The following PLA2R1 variants were observed in gnomAD, a reference collection of about 807,000 sequenced individuals.
PLA2R1 encodes secretory phospholipase A2 receptor.
PLA2R1 carries 158 observed loss-of-function variants against 195.9 expected under a neutral mutation model. The ratio of observed to expected loss-of-function variants is 0.81; its 90% CI spans 0.71 to 0.92. The LOEUF (loss-of-function observed/expected upper bound fraction) is 0.92. Ranked by LOEUF, PLA2R1 falls within the 40% of genes least tolerant of loss-of-function variation. The pLI is 0.00. For synonymous variants in PLA2R1, 586 were observed against 598.2 expected (o/e 0.98, Z 0.30); for missense variants, 1,626 against 1,764.6 (o/e 0.92, Z 1.41).
At chr2:159,942,040 G>T (rs1224877224) in intron 29 of PLA2R1, 48 bp from the exon 30 acceptor site, 10 of 1,559,138 alleles carry the variant, frequency 6.4e-6, no homozygotes, top group African/African-American at 1.4e-5. Flanking sequence ...CAGTGGCGAT[G>T]AAGTAATATA....
intron 23 of PLA2R1, among the ~76,000 whole-genome samples, chr2:159,954,917 T>A (rs1687985441): frequency 6.6e-6 from 1 of 152,148 alleles, no homozygotes; most frequent in South Asian, 2.1e-4. Flanking sequence ...AGATACATAA[T>A]CCCAGAATGA....
chr2:160,060,301 T>C (rs1222714629), intron 1 of PLA2R1, among the ~76,000 whole-genome samples: 1 of 152,308 alleles, frequency 6.6e-6, no homozygotes, highest in African/African-American at 2.4e-5. Context: ...GCTAACTACA[T>C]GGTAGCCATA....
chr2:159,955,878 G>C (rs757690525), intron 21 of PLA2R1, 50 bp from the exon 22 acceptor site: 2 of 1,120,404 alleles, frequency 1.8e-6, no homozygotes, highest in Non-Finnish European at 2.6e-6. Flanking sequence ...AAAGCATTTG[G>C]GTAATCACTG....
intron 3 of PLA2R1, among the ~76,000 whole-genome samples, chr2:160,040,684 C>T (rs1694469881): frequency 6.6e-6 from 1 of 152,188 alleles, no homozygotes; most frequent in Non-Finnish European, 1.5e-5. Flanking sequence ...CTCTAGATGC[C>T]AAGTTCCTTA....
intron 3 of PLA2R1, among the ~76,000 whole-genome samples, 195 bp downstream of exon 3, chr2:160,041,830 C>T (rs1361557031): frequency 6.6e-6 from 1 of 152,114 alleles, no homozygotes; most frequent in Non-Finnish European, 1.5e-5. Context: ...CTTGAATGTA[C>T]GGCAAAAAGA....
chr2:159,944,261 C>A (rs1427453294), intron 28 of PLA2R1, among the ~76,000 whole-genome samples: 1 of 152,194 alleles, frequency 6.6e-6, no homozygotes, highest in Non-Finnish European at 1.5e-5. Flanking sequence ...GATCCTAAAA[C>A]CTCATGTCTG....
At chr2:160,051,893 T>G (rs1695234476) in intron 1 of PLA2R1, among the ~76,000 whole-genome samples, 1 of 152,232 alleles carries the variant, frequency 6.6e-6, no homozygotes, top group Non-Finnish European at 1.5e-5. Context: ...AGTTTTCATG[T>G]GTCTCTTATT....
At chr2:160,031,429 C>A (rs1249838387) in intron 4 of PLA2R1, among the ~76,000 whole-genome samples, 1 of 152,030 alleles carries the variant, frequency 6.6e-6, no homozygotes, top group African/African-American at 2.4e-5. Context: ...AATAAAATAA[C>A]CAGATTACCA....
intron 6 of PLA2R1, among the ~76,000 whole-genome samples, chr2:160,027,753 AAC>A (rs1693613928): frequency 6.6e-6 from 1 of 152,238 alleles, no homozygotes; most frequent in Non-Finnish European, 1.5e-5. Flanking sequence ...TTTAAGTATT[AAC>A]TCCATCTAAA....
At position 159,987,263 on chromosome 2, in the gene PLA2R1, T is replaced by G; in HGVS notation, c.1930A>C (p.Lys644Gln). 1 of 1,613,546 alleles carries G rather than the reference T, an allele frequency of 6.2e-7. No homozygotes were observed. Among genetic ancestry groups the G allele is most frequent in the South Asian group, 1.1e-5 (1 of 91,048 alleles). The change falls in exon 12 of 30, where the codon AAG (lysine) becomes CAG (glutamine). Residue 644 changes from lysine (K) to glutamine (Q), a missense_variant. Coordinates refer to ENST00000283243, the MANE Select transcript of PLA2R1 (RefSeq NM_007366.5). ...CRHFKAMSLC[K>Q]QPVENQEKAE... is the part of the protein sequence containing the mutation. ...TTTTCCTGATTTTCAACTGGCTGCT[T>G]GCACAAGGACATTGCCTTAAAGTGC... is the stretch of plus-strand genomic sequence containing the variant.
chr2:160,033,003 G>GT lies in PLA2R1; in HGVS notation c.796dup (p.Thr266AsnfsTer8). 1 of 1,613,104 alleles carries GT rather than the reference G, an allele frequency of 6.2e-7. No individual in the cohort carries two copies. The highest frequency in any genetic ancestry group is 8.5e-7 in the Non-Finnish European group (1 of 1,179,480). ...AGTTTCATCTGTAATACTTAACAGC[G>GT]TACCTCCTTGCATCTGGCATGAAGA... On this transcript the variant is annotated frameshift_variant, in exon 4 of 30. Transcript: ENST00000283243. LOFTEE classifies it high-confidence loss of function.
Position 159,955,253 on chromosome 2 carries a change from A to G in PLA2R1, c.3247T>C (p.Tyr1083His), listed in dbSNP as rs1482362460. 6 of 1,610,550 alleles carry G rather than the reference A, an allele frequency of 3.7e-6. No homozygotes were observed. The African/African-American group carries it at 6.7e-5, about 18-fold the overall frequency. ...NPNFHFTGKW[Y>H]FEDCGKEGYG... ...CCTTCCTTTCCACAGTCTTCAAAAT[A>G]CCATTTTCCAGTGAAATGAAAATTA... Residue 1083 changes from tyrosine to histidine, a missense_variant, in exon 23 of 30, where the codon TAT becomes CAT. Transcript: ENST00000283243.
chr2:159,994,288 T>C (rs1338670309), intron 11 of PLA2R1, among the ~76,000 whole-genome samples: 2 of 151,862 alleles, frequency 1.3e-5, no homozygotes, highest in Non-Finnish European at 2.9e-5. Flanking sequence ...TGTAGGAAAA[T>C]TTATAAGACA....
chr2:160,037,375 G>A (rs1694228261), intron 3 of PLA2R1, among the ~76,000 whole-genome samples: 1 of 152,114 alleles, frequency 6.6e-6, no homozygotes, highest in Non-Finnish European at 1.5e-5. Flanking sequence ...AGAGTGTCTT[G>A]TTTCTCTCTT....
Position 159,935,351 on chromosome 2 carries a change from C to CT in PLA2R1, c.*6426dup, listed in dbSNP as rs1483366248. The CT allele has an allele frequency of 6.6e-6, 1 of 152,224 alleles. No homozygotes were observed. Among genetic ancestry groups the CT allele is most frequent in the Non-Finnish European group, 1.5e-5 (1 of 68,038 alleles). The allele number at this position is 152,224 out of a possible 1,614,324, so 9.4% of individuals were successfully genotyped here. A position where few individuals can be genotyped will look rare whatever the true frequency, so the allele number is the denominator to read the frequency against. ...TGGTAGGTCTTGCCAACAATTATTA[C>CT]TGTTGTGTTTTCCTGATAGTGATTT... On this transcript the variant is annotated 3_prime_UTR_variant, in exon 30 of 30. Coordinates refer to ENST00000283243, the MANE Select transcript of PLA2R1 (RefSeq NM_007366.5).
At chr2:160,034,187 T>C (rs1040996787) in intron 3 of PLA2R1, among the ~76,000 whole-genome samples, 1 of 152,234 alleles carries the variant, frequency 6.6e-6, no homozygotes, top group African/African-American at 2.4e-5. Context: ...TTTGGTTTTT[T>C]TTCCTCCCTC....
chr2:160,032,642 C>A (rs1693928028), intron 4 of PLA2R1, among the ~76,000 whole-genome samples: 1 of 152,100 alleles, frequency 6.6e-6, no homozygotes, highest in African/African-American at 2.4e-5. Context: ...GCTAAGATCT[C>A]CAGAAGAGCA....
At position 159,932,987 on chromosome 2, in the gene PLA2R1, A is replaced by G. The variant is rs1490766829; in HGVS notation, c.*8791T>C. 2 of 129,840 alleles carry G rather than the reference A, an allele frequency of 1.5e-5. No homozygotes were observed. Among genetic ancestry groups the G allele is most frequent in the Non-Finnish European group, 3.3e-5 (2 of 59,806 alleles). The allele number at this position is 129,840 out of a possible 1,614,324, so 8.0% of individuals were successfully genotyped here. A position where few individuals can be genotyped will look rare whatever the true frequency, so the allele number is the denominator to read the frequency against. ...ACAGGAAACAAGTTGAAAATAGCAT[A>G]GATCATGATGTCTTTTTTTTTTTTT... On this transcript the variant is annotated 3_prime_UTR_variant, in exon 30 of 30. Transcript: ENST00000283243.
intron 24 of PLA2R1, among the ~76,000 whole-genome samples, chr2:159,951,061 C>T (rs369014706): frequency 2.6e-5 from 4 of 152,194 alleles, no homozygotes; most frequent in Admixed American, 6.5e-5. Context: ...AAGGCAGTAT[C>T]GGGGTACTTG....
Sources: gnomAD v4.1 joint callset for allele counts (sites outside exome capture counted in the v4.1 genomes callset) on GRCh38, gnomAD v4.1.1 for gene constraint, MANE v1.5 for transcripts, NCBI Gene and HGNC (gene_info 2026-07-23, HGNC 2026-07-21) for gene names.